Variants in DYNC2H1 observed in about 807,000 individuals in gnomAD.
DYNC2H1 encodes cytoplasmic dynein 2 heavy chain 1.
Under a neutral mutation model 570.0 loss-of-function variants are expected in DYNC2H1, and 410 were observed. That is an observed-to-expected ratio of 0.72 (90% CI 0.66 to 0.78). The LOEUF is 0.78. Among genes scored for constraint, DYNC2H1 ranks in the 30% least tolerant of loss-of-function variants. The pLI is 0.00. For synonymous variants in DYNC2H1, 1,688 were observed against 1,677.6 expected (o/e 1.01, Z -0.15); for missense variants, 4,865 against 5,046.4 (o/e 0.96, Z 1.09).
chr11:103,451,010 C>A (rs2135793159), intron 85 of DYNC2H1, among the ~76,000 whole-genome samples: 1 of 152,092 alleles, frequency 6.6e-6, no homozygotes, highest in East Asian at 1.9e-4. Flanking sequence ...TTTCCAATAC[C>A]AGTTATTGGC....
chr11:103,337,558 T>G (rs907830191), intron 82 of DYNC2H1, among the ~76,000 whole-genome samples: 1 of 152,212 alleles, frequency 6.6e-6, no homozygotes, highest in African/African-American at 2.4e-5. Flanking sequence ...TTTTTTGTCT[T>G]TTTGATAAAA....
chr11:103,173,437 A>G, intron 35 of DYNC2H1, 132 bp downstream of exon 35: 1 of 624,380 alleles, frequency 1.6e-6, no homozygotes, highest in South Asian at 3.4e-5. Context: ...TATTGTACTT[A>G]TAGTGTAGCT....
Position 103,254,832 on chromosome 11 carries a change from C to T in DYNC2H1, c.10207-583C>T, listed in dbSNP as rs966520973. Among the ~76,000 whole-genome samples the T allele has an allele frequency of 4.6e-5, 7 of 151,968 alleles. No individual in the cohort carries two copies. The highest frequency in any genetic ancestry group is 2.1e-4 in the South Asian group (1 of 4,818). On this transcript the variant is annotated intron_variant, in intron 66 of 88. Coordinates refer to ENST00000375735, the MANE Select transcript of DYNC2H1 (RefSeq NM_001377.3). This position sits in a 1 kb window ranked among gnomAD's most constrained non-coding sequence, Gnocchi z 4.9. ...TGTTGCCCAGGCTGGAGTGCAATGG[C>T]GCAATCTCGGCTCACTGTAACTTCT...
Position 103,399,648 on chromosome 11 carries a change from A to G in DYNC2H1, c.12157-15A>G. 1 of 1,584,586 alleles carries G rather than the reference A, an allele frequency of 6.3e-7. No homozygotes were observed. Among genetic ancestry groups the G allele is most frequent in the Non-Finnish European group, 8.6e-7 (1 of 1,157,564 alleles). On this transcript the variant is annotated splice_polypyrimidine_tract_variant and intron_variant, in intron 83 of 88. Coordinates refer to ENST00000375735, the MANE Select transcript of DYNC2H1 (RefSeq NM_001377.3). ...GTGTTACTATTCGGTAAATATTATG[A>G]CATTTTTCTTTTAGAATTCAAACCT...
At position 103,472,005 on chromosome 11, in the gene DYNC2H1, G is replaced by T. The variant is rs530841889; in HGVS notation, c.12765+3300G>T. Among the ~76,000 whole-genome samples the T allele has an allele frequency of 6.6e-6, 1 of 152,054 alleles. No homozygotes were observed. ...TTAAGGACAAATTCAAAAAAGATAGGGTAACAAGGCATTCCAGACAGAAGT... is the reference window on the plus strand; with the variant it reads ...TTAAGGACAAATTCAAAAAAGATAGTGTAACAAGGCATTCCAGACAGAAGT... On this transcript the variant is annotated intron_variant, in intron 88 of 88. Coordinates refer to ENST00000375735, the MANE Select transcript of DYNC2H1 (RefSeq NM_001377.3). This position sits in a 1 kb window ranked among gnomAD's most constrained non-coding sequence, Gnocchi z 4.1.
chr11:103,134,263 G>A (rs749996015), intron 14 of DYNC2H1, 58 bp from the exon 15 acceptor site: 10 of 1,522,372 alleles, frequency 6.6e-6, no homozygotes, highest in East Asian at 2.3e-5. Flanking sequence ...TTTCTCCACT[G>A]AAAAGTTACT....
In DYNC2H1 at chr11:103,177,291, G is replaced by A. The variant is rs1042994657; in HGVS notation, c.5875-265G>A. Among the ~76,000 whole-genome samples, 8 of 152,066 alleles carry A rather than the reference G, an allele frequency of 5.3e-5. No homozygotes were observed. Among genetic ancestry groups the A allele is most frequent in the African/African-American group, 1.9e-4 (8 of 41,418 alleles). On this transcript the variant is annotated intron_variant, in intron 37 of 88. Coordinates refer to ENST00000375735, the MANE Select transcript of DYNC2H1 (RefSeq NM_001377.3). The surrounding 1 kb of genome is among the most constrained non-coding windows in gnomAD (Gnocchi z 4.4). ...TGAGTGAATGAGTGGAGCAAGTAAC[G>A]AACATAATTGTTCATACAAGTTTTT...
rs565988278 is a variant in DYNC2H1, at chr11:103,128,171, T to C, written c.1858-739T>C. Among the ~76,000 whole-genome samples the C allele has an allele frequency of 3.9e-5, 6 of 152,284 alleles. No homozygotes were observed. In the South Asian group the frequency reaches 1.2e-3, roughly 32 times the overall value. On this transcript the variant is annotated intron_variant, in intron 12 of 88. Coordinates refer to ENST00000375735, the MANE Select transcript of DYNC2H1 (RefSeq NM_001377.3). The stretch of plus-strand genomic sequence containing the variant: ...ATTCTTTAGTATATTGGGAGACAAT[T>C]TGAAAGTTTTTAGGTAATAGTTTTG...
intron 84 of DYNC2H1, among the ~76,000 whole-genome samples, chr11:103,419,190 CTT>C (rs1216964191): frequency 6.6e-6 from 1 of 152,186 alleles, no homozygotes; most frequent in Non-Finnish European, 1.5e-5. Flanking sequence ...ATTTGGTAGA[CTT>C]AGCCATTCCA....
intron 83 of DYNC2H1, among the ~76,000 whole-genome samples, chr11:103,392,884 CTATT>C (rs1322112771): frequency 1.1e-5 from 1 of 88,972 alleles, no homozygotes; most frequent in African/African-American, 3.8e-5. Context: ...ATTCCTGAAA[CTATT>C]TTTTTTTTTT....
intron 83 of DYNC2H1, among the ~76,000 whole-genome samples, chr11:103,377,761 C>T (rs1391179356): frequency 1.4e-5 from 2 of 143,418 alleles, no homozygotes; most frequent in South Asian, 2.1e-4. Context: ...TCTTTTGAGA[C>T]AGTCTCGCTC....
In DYNC2H1 at chr11:103,436,267, A is replaced by G. The variant is rs1479603750; in HGVS notation, c.12456+235A>G. Among the ~76,000 whole-genome samples the G allele has an allele frequency of 3.3e-5, 5 of 151,516 alleles. No individual in the cohort carries two copies. In the East Asian group the frequency reaches 9.7e-4, roughly 29 times the overall value. ...CTTTTCATCATTTTCGAGAATTTAG[A>G]GAAAAATTTACAATTTTAGTACAGT... On this transcript the variant is annotated intron_variant, in intron 85 of 88. Transcript: ENST00000375735.
chr11:103,143,644 G>A (rs192293821), intron 18 of DYNC2H1, among the ~76,000 whole-genome samples: 2 of 152,198 alleles, frequency 1.3e-5, no homozygotes, highest in African/African-American at 4.8e-5. Context: ...TCTTCATCTG[G>A]TATGAAGAGC....
chr11:103,167,902 C>T (rs1861397268), intron 31 of DYNC2H1, among the ~76,000 whole-genome samples: 1 of 152,140 alleles, frequency 6.6e-6, no homozygotes, highest in African/African-American at 2.4e-5. Flanking sequence ...ACATGTGTTC[C>T]CTCGTAGCCA....
intron 83 of DYNC2H1, among the ~76,000 whole-genome samples, chr11:103,389,006 G>A (rs1042627771): frequency 6.6e-6 from 1 of 152,138 alleles, no homozygotes; most frequent in African/African-American, 2.4e-5. Flanking sequence ...TGAGGATGAT[G>A]CTGGCCTCTT....
At position 103,369,500 on chromosome 11, in the gene DYNC2H1, G is replaced by A. The variant is rs1442092247; in HGVS notation, c.12156+11141G>A. On this transcript the variant is annotated intron_variant, in intron 83 of 88. Transcript: ENST00000375735. This position sits in a 1 kb window ranked among gnomAD's most constrained non-coding sequence, Gnocchi z 4.0. ...TGCTGGGGCAGCTAAGGGAATGCTG[G>A]CATCACCCCTCTCCTAACCTCAGGA... Among the ~76,000 whole-genome samples the A allele has an allele frequency of 6.6e-6, 1 of 152,118 alleles. No individual in the cohort carries two copies. Among genetic ancestry groups the A allele is most frequent in the Non-Finnish European group, 1.5e-5 (1 of 68,008 alleles).
At chr11:103,195,542 T>C (rs1159683689) in intron 47 of DYNC2H1, among the ~76,000 whole-genome samples, 3 of 152,228 alleles carry the variant, frequency 2.0e-5, no homozygotes, top group Non-Finnish European at 4.4e-5. Flanking sequence ...CTTGATTAGC[T>C]ACTATATGAG....
At chr11:103,437,247 G>A (rs376011244) in intron 85 of DYNC2H1, among the ~76,000 whole-genome samples, 8 of 151,848 alleles carry the variant, frequency 5.3e-5, no homozygotes, top group African/African-American at 9.7e-5. Context: ...AGCCATCTTC[G>A]TCATCTTTGT....
intron 60 of DYNC2H1, 61 bp downstream of exon 60, chr11:103,231,407 G>T: frequency 9.0e-7 from 1 of 1,111,656 alleles, no homozygotes; most frequent in Non-Finnish European, 1.3e-6. Flanking sequence ...TTGACATCTT[G>T]ATTTCTTTCT....
Sources: gnomAD v4.1 joint callset for allele counts (sites outside exome capture counted in the v4.1 genomes callset) on GRCh38, gnomAD v4.1.1 for gene constraint, Gnocchi (gnomAD v3.1) non-coding constraint, MANE v1.5 for transcripts, NCBI Gene and HGNC (gene_info 2026-07-23, HGNC 2026-07-21) for gene names.